Variants in POLQ observed in about 807,000 individuals in gnomAD.
POLQ encodes epididymis secretory sperm binding protein.
POLQ carries 233 observed loss-of-function variants against 259.2 expected under a neutral mutation model. That is an observed-to-expected ratio of 0.90 (90% CI 0.81 to 1.00). The LOEUF is 1.00. Among genes scored for constraint, POLQ ranks in the 50% least tolerant of loss-of-function variants. The pLI is 0.00. For synonymous variants in POLQ, 1,025 were observed against 1,048.8 expected (o/e 0.98, Z 0.44); for missense variants, 2,871 against 3,051.6 (o/e 0.94, Z 1.39).
chr3:121,478,012 T>C lies in POLQ; in HGVS notation c.6212-1279A>G, dbSNP rs539937571. 2.0e-5 allele frequency among the ~76,000 whole-genome samples: 3 copies of C among 152,118 alleles called. No individual in the cohort carries two copies. In the East Asian group the frequency reaches 5.8e-4, roughly 29 times the overall value. Reference sequence around the variant, plus strand: ...TGAACTTGGGTCAGAACAGGAACAATCAGAGAAGCACAAAGTAAGAGTGGC... The same window carrying C: ...TGAACTTGGGTCAGAACAGGAACAACCAGAGAAGCACAAAGTAAGAGTGGC... On this transcript the variant is annotated intron_variant, in intron 19 of 29. Transcript: ENST00000264233.
intron 16 of POLQ, 136 bp downstream of exon 16, chr3:121,487,166 C>T: frequency 1.8e-6 from 1 of 553,578 alleles, no homozygotes; most frequent in South Asian, 3.0e-5. Context: ...CTGTTCTACA[C>T]ATAAATCCAC....
chr3:121,446,111 G>A (rs116780189), intron 26 of POLQ, among the ~76,000 whole-genome samples: 1,907 of 151,628 alleles, frequency 0.013, 36 homozygotes, highest in African/African-American at 0.044. Context: ...TGCTTTTGCT[G>A]TATCCCATAG....
At chr3:121,518,089 G>C (rs1196955872) in intron 9 of POLQ, among the ~76,000 whole-genome samples, 1 of 152,152 alleles carries the variant, frequency 6.6e-6, no homozygotes. Flanking sequence ...CAAGCCTCTA[G>C]TAAAAACATT....
chr3:121,443,777 G>A (rs189665848), intron 26 of POLQ, among the ~76,000 whole-genome samples: 1 of 152,114 alleles, frequency 6.6e-6, no homozygotes. Context: ...TATATATAGA[G>A]AGATAGGGGT....
At position 121,510,151 on chromosome 3, in the gene POLQ, T is replaced by C. The variant is rs922662760; in HGVS notation, c.1704A>G (p.Gln568=). 6.2e-7 allele frequency: 1 copy of C among 1,614,036 alleles called. No individual in the cohort carries two copies. Among genetic ancestry groups the C allele is most frequent in the Non-Finnish European group, 8.5e-7 (1 of 1,179,862 alleles). Residue 568 remains glutamine, a synonymous_variant, in exon 11 of 30, where the codon CAA becomes CAG. Transcript: ENST00000264233. ...CAGACTCTTGATTTCTCTGAATTCC[T>C]TGCTTCCCTTCTTTCATACTTGCAG... ...FLAASMKEGK[Q]GIQRNQESVQ...
At position 121,539,494 on chromosome 3, in the gene POLQ, T is replaced by A; in HGVS notation, c.570A>T (p.Thr190=). The A allele has an allele frequency of 6.2e-7, 1 of 1,613,408 alleles. No homozygotes were observed. The highest frequency in any genetic ancestry group is 8.5e-7 in the Non-Finnish European group (1 of 1,179,374). Reference sequence around the variant, plus strand: ...TGATCAGACCATTGGCTCTCTCAATTGTGCAGACTGCAATATCCAATGAAG... The same window carrying A: ...TGATCAGACCATTGGCTCTCTCAATAGTGCAGACTGCAATATCCAATGAAG... ...HFSSLDIAVC[T]IERANGLINR... Residue 190 remains threonine, a synonymous_variant, in exon 4 of 30, where the codon ACA becomes ACT. Transcript: ENST00000264233.
chr3:121,486,178 A>T (rs1457489331), intron 16 of POLQ, among the ~76,000 whole-genome samples: 1 of 152,228 alleles, frequency 6.6e-6, no homozygotes, highest in East Asian at 1.9e-4. Flanking sequence ...GCTAATGTAC[A>T]CTGTGAAGAA....
At position 121,512,222 on chromosome 3, in the gene POLQ, A is replaced by ACT. The variant is rs1242506949; in HGVS notation, c.1469-195_1469-194dup. On this transcript the variant is annotated intron_variant, in intron 9 of 29. Coordinates refer to ENST00000264233, the MANE Select transcript of POLQ (RefSeq NM_199420.4). The stretch of plus-strand genomic sequence containing the variant: ...AGAATATGCCACTCCAAAATATGCC[A>ACT]CTTCAGCATAAGGATTATTTTGAGC... Among the ~76,000 whole-genome samples the ACT allele has an allele frequency of 2.6e-5, 4 of 152,330 alleles. No homozygotes were observed. The East Asian group carries it at 7.7e-4, about 29-fold the overall frequency.
chr3:121,500,886 G>T (rs954911449), intron 12 of POLQ, among the ~76,000 whole-genome samples: 5 of 152,174 alleles, frequency 3.3e-5, no homozygotes, highest in African/African-American at 1.2e-4. Flanking sequence ...GCAACAAGAA[G>T]GCCAGTGAGA....
At position 121,509,603 on chromosome 3, in the gene POLQ, C is replaced by T; in HGVS notation, c.1917G>A (p.Met639Ile). The T allele has an allele frequency of 6.2e-7, 1 of 1,613,692 alleles. No homozygotes were observed. Among genetic ancestry groups the T allele is most frequent in the Non-Finnish European group, 8.5e-7 (1 of 1,179,666 alleles). Residue 639 changes from methionine to isoleucine, a missense_variant, in exon 12 of 30, where the codon ATG (methionine) becomes ATA (isoleucine). By Grantham distance (10) the Met-to-Ile change is conservative. Transcript: ENST00000264233. ...LDIFADLQRA[M>I]KGFVLENDLH... is the part of the protein sequence containing the mutation. ...GATCATTCTCTAAAACAAAGCCCTT[C>T]ATTGCTCTTTGCAGGTCAGCAAAAA...
At position 121,489,760 on chromosome 3, in the gene POLQ, CA is replaced by C. The variant is rs765311256; in HGVS notation, c.3170del (p.Leu1057ArgfsTer28). 7.4e-6 allele frequency: 12 copies of C among 1,611,984 alleles called. No homozygotes were observed. The African/African-American group carries it at 1.3e-4, about 18-fold the overall frequency. On this transcript the variant is annotated frameshift_variant, in exon 16 of 30. Transcript: ENST00000264233. LOFTEE classifies it high-confidence loss of function. ...GGATTCTACACGCTCCAGAGTCTTT[CA>C]GGGGGCTGCTGTCCCTAGATCGCTT... is the stretch of plus-strand genomic sequence containing the variant. ...HLKRSRDSSPLKDSGACRIHL... is the reference protein window; with the variant it reads ...HLKRSRDSSPXKDSGACRIHL...
chr3:121,456,772 T>G (rs911038763), intron 25 of POLQ, among the ~76,000 whole-genome samples: 2 of 152,094 alleles, frequency 1.3e-5, no homozygotes, highest in African/African-American at 4.8e-5. Context: ...TGCTCATAGG[T>G]AGGAAGAATC....
At chr3:121,464,386 C>T (rs779944048) in intron 24 of POLQ, among the ~76,000 whole-genome samples, 2 of 151,980 alleles carry the variant, frequency 1.3e-5, no homozygotes, top group African/African-American at 2.4e-5. Context: ...ACAACAACAA[C>T]AACAACAATA....
intron 8 of POLQ, among the ~76,000 whole-genome samples, chr3:121,520,946 C>T (rs1188896247): frequency 6.6e-6 from 1 of 152,134 alleles, no homozygotes; most frequent in African/African-American, 2.4e-5. Context: ...ATATACTTAG[C>T]TGGCTCATTT....
At chr3:121,458,324 A>G (rs531331469) in intron 25 of POLQ, among the ~76,000 whole-genome samples, 156 of 152,196 alleles carry the variant, frequency 1.0e-3, no homozygotes, top group Non-Finnish European at 7.2e-4. Context: ...AGCATGGCAC[A>G]TGTATACATA....
chr3:121,452,023 G>A (rs983036917), intron 25 of POLQ, among the ~76,000 whole-genome samples: 19 of 151,880 alleles, frequency 1.3e-4, no homozygotes, highest in Admixed American at 5.9e-4. Flanking sequence ...CTGCCTTGCA[G>A]TTCGATCTCA....
chr3:121,511,612 T>C (rs1300879405), intron 10 of POLQ, among the ~76,000 whole-genome samples: 1 of 151,824 alleles, frequency 6.6e-6, no homozygotes, highest in Admixed American at 6.6e-5. Context: ...ATCCCATCTC[T>C]ATTAAAAGTA....
rs7639072 is a variant in POLQ at position 121,528,934 on chromosome 3, C to T, written c.1108+711G>A. 5.3e-5 allele frequency among the ~76,000 whole-genome samples: 8 copies of T among 152,048 alleles called. No individual in the cohort carries two copies. In the South Asian group the frequency reaches 1.2e-3, roughly 24 times the overall value. ...GCCATTGTATTCCAGCCTAAGCGAC[C>T]GTGCGAGACTCTGTCTCAAAAAATA... On this transcript the variant is annotated intron_variant, in intron 7 of 29. Transcript: ENST00000264233.
chr3:121,452,269 CGCTCGGTGGGCT>C (rs1448975204), intron 25 of POLQ, among the ~76,000 whole-genome samples: 1 of 152,102 alleles, frequency 6.6e-6, no homozygotes, highest in Non-Finnish European at 1.5e-5. Context: ...CTTCGGCTCA[CGCTCGGTGGGCT>C]GCACCCACTG....
Sources: allele counts gnomAD v4.1 joint callset (sites outside exome capture counted in the v4.1 genomes callset), GRCh38; gene constraint gnomAD v4.1.1; transcripts MANE v1.5; gene names NCBI Gene and HGNC (gene_info 2026-07-23, HGNC 2026-07-21).